The following GRID2 variants were observed in gnomAD, a reference collection of about 807,000 sequenced individuals.
GRID2 encodes glutamate ionotropic receptor delta type subunit 2.
In GRID2, 33 loss-of-function variants were observed where a neutral mutation model predicts 114.8. The ratio of observed to expected loss-of-function variants is 0.29; its 90% CI spans 0.22 to 0.38. The LOEUF (loss-of-function observed/expected upper bound fraction) is 0.38. Among genes scored for constraint, GRID2 ranks in the 10% least tolerant of loss-of-function variants. The probability of loss-of-function intolerance (pLI) is 1.00; values close to 1 mark genes in which losing one functional copy is unlikely to be tolerated. For synonymous variants in GRID2, 505 were observed against 449.9 expected (o/e 1.12, Z -1.55); for missense variants, 1,184 against 1,257.7 (o/e 0.94, Z 0.89).
At chr4:93,062,666 A>G (rs1432587247) in intron 2 of GRID2, among the ~76,000 whole-genome samples, 1 of 152,064 alleles carries the variant, frequency 6.6e-6, no homozygotes, top group African/African-American at 2.4e-5. Flanking sequence ...CTTCAGGGCT[A>G]AAAAGAGAGA....
At chr4:92,489,691 C>T (rs1164625874) in intron 1 of GRID2, among the ~76,000 whole-genome samples, 1 of 151,798 alleles carries the variant, frequency 6.6e-6, no homozygotes, top group Non-Finnish European at 1.5e-5. Context: ...ACTAAAAATA[C>T]AAAAACTAGC....
intron 2 of GRID2, among the ~76,000 whole-genome samples, chr4:92,813,640 C>T (rs1011806527): frequency 6.6e-6 from 1 of 151,966 alleles, no homozygotes; most frequent in Non-Finnish European, 1.5e-5. Flanking sequence ...CATTTAACTT[C>T]AGTACAGACA....
intron 2 of GRID2, among the ~76,000 whole-genome samples, chr4:92,944,973 C>G (rs1476532396): frequency 1.3e-5 from 2 of 152,080 alleles, no homozygotes; most frequent in Non-Finnish European, 2.9e-5. Flanking sequence ...CCACTGTTTT[C>G]ATGGATTATA....
chr4:93,299,755 T>C (rs1253590080), intron 8 of GRID2, among the ~76,000 whole-genome samples: 2 of 152,018 alleles, frequency 1.3e-5, no homozygotes, highest in East Asian at 3.9e-4. Flanking sequence ...CCTTCTCCTC[T>C]TGCAATCTGT....
At chr4:93,171,726 C>T (rs2149422996) in intron 4 of GRID2, among the ~76,000 whole-genome samples, 1 of 152,176 alleles carries the variant, frequency 6.6e-6, no homozygotes, top group South Asian at 2.1e-4. Flanking sequence ...CTCATATAGG[C>T]ATATATTGTT....
intron 8 of GRID2, among the ~76,000 whole-genome samples, chr4:93,288,394 C>G (rs1398911185): frequency 2.0e-5 from 3 of 152,128 alleles, no homozygotes; most frequent in Admixed American, 2.0e-4. Context: ...GTTTCTGGTG[C>G]TTGGGGTCCA....
chr4:93,453,938 G>A (rs1265397928), intron 10 of GRID2, among the ~76,000 whole-genome samples: 1 of 151,944 alleles, frequency 6.6e-6, no homozygotes. Context: ...TCACAATAAT[G>A]AAACTGAACA....
chr4:92,655,392 G>A (rs1475524274), intron 2 of GRID2, among the ~76,000 whole-genome samples: 5 of 151,568 alleles, frequency 3.3e-5, no homozygotes, highest in Non-Finnish European at 7.4e-5. Flanking sequence ...ACTAATTTTT[G>A]GATTGCTTTC....
chr4:93,366,191 G>C (rs1479466247), intron 8 of GRID2, among the ~76,000 whole-genome samples: 1 of 152,178 alleles, frequency 6.6e-6, no homozygotes, highest in Non-Finnish European at 1.5e-5. Context: ...CTGACTGCCT[G>C]TGAGCCGGGT....
chr4:92,387,415 T>C (rs1459909266), intron 1 of GRID2, among the ~76,000 whole-genome samples: 1 of 151,972 alleles, frequency 6.6e-6, no homozygotes, highest in African/African-American at 2.4e-5. Flanking sequence ...GTGGAGAATG[T>C]GAGGTACTCT....
intron 1 of GRID2, among the ~76,000 whole-genome samples, chr4:92,399,593 T>C (rs1011222140): frequency 6.6e-6 from 1 of 150,972 alleles, no homozygotes; most frequent in Non-Finnish European, 1.5e-5. Context: ...GACCCTCCAA[T>C]TACATATTTC....
At chr4:93,528,518 T>C (rs1195407224) in intron 13 of GRID2, among the ~76,000 whole-genome samples, 1 of 152,096 alleles carries the variant, frequency 6.6e-6, no homozygotes, top group East Asian at 1.9e-4. Context: ...AAATTCTATT[T>C]TAGTATGCAT....
intron 1 of GRID2, among the ~76,000 whole-genome samples, chr4:92,535,985 T>C (rs540408548): frequency 1.1e-4 from 16 of 152,110 alleles, no homozygotes; most frequent in African/African-American, 3.6e-4. Context: ...TCGTGGTGAG[T>C]GTTATAGCTC....
chr4:93,076,832 G>A (rs1176331003), intron 2 of GRID2, among the ~76,000 whole-genome samples: 4 of 151,936 alleles, frequency 2.6e-5, no homozygotes, highest in Middle Eastern at 3.4e-3. Context: ...TGGTCAGGCT[G>A]GTCTCGAACT....
intron 14 of GRID2, among the ~76,000 whole-genome samples, chr4:93,671,282 A>T (rs1724388677): frequency 6.6e-6 from 1 of 152,142 alleles, no homozygotes; most frequent in Non-Finnish European, 1.5e-5. Context: ...GTGTAAATGG[A>T]GGGATTTCCC....
intron 2 of GRID2, among the ~76,000 whole-genome samples, chr4:92,849,938 G>A (rs1185069219): frequency 6.6e-6 from 1 of 151,436 alleles, no homozygotes; most frequent in Non-Finnish European, 1.5e-5. Flanking sequence ...AGCAATTAAA[G>A]ATTATAATAT....
chr4:93,797,872 G>T (rs139701995), intron 1 of GRID2, among the ~76,000 whole-genome samples: 6 of 149,742 alleles, frequency 4.0e-5, no homozygotes, highest in African/African-American at 1.2e-4. Flanking sequence ...GAGGAGCAAG[G>T]CCAGGTGTGG....
At chr4:92,694,213 T>C (rs547330803) in intron 2 of GRID2, among the ~76,000 whole-genome samples, 1 of 152,298 alleles carries the variant, frequency 6.6e-6, no homozygotes, top group East Asian at 1.9e-4. Context: ...CTGGTTGGAA[T>C]CCTTGTGCTT....
intron 1 of GRID2, among the ~76,000 whole-genome samples, chr4:92,463,922 T>A (rs1018117210): frequency 6.6e-6 from 1 of 151,868 alleles, no homozygotes; most frequent in Admixed American, 6.6e-5. Context: ...CTTCCTTTTT[T>A]CCCTTTTCTT....
Sources: allele counts gnomAD v4.1 joint callset (sites outside exome capture counted in the v4.1 genomes callset), GRCh38; gene constraint gnomAD v4.1.1; transcripts MANE v1.5; gene names NCBI Gene and HGNC (gene_info 2026-07-23, HGNC 2026-07-21).